SYT1: variants seen among roughly 807,000 people sequenced by gnomAD.
SYT1 encodes the protein synaptotagmin 1, also known as synaptotagmin-1.
A neutral mutation model predicts 44.8 loss-of-function variants in SYT1; 8 were observed. The observed-to-expected ratio is 0.18, with a 90% CI of 0.10 to 0.32. The LOEUF (loss-of-function observed/expected upper bound fraction) is 0.32. Among genes scored for constraint, SYT1 ranks in the 10% least tolerant of loss-of-function variants. The probability of loss-of-function intolerance (pLI) is 1.00; values close to 1 mark genes in which losing one functional copy is unlikely to be tolerated. For synonymous variants in SYT1, 154 were observed against 188.8 expected (o/e 0.82, Z 1.51); for missense variants, 286 against 509.3 (o/e 0.56, Z 4.22).
In SYT1 at chr12:78,946,290, A is replaced by G. The variant is rs1023920292; in HGVS notation, c.-216-31509A>G. 2.0e-5 allele frequency among the ~76,000 whole-genome samples: 3 copies of G among 152,214 alleles called. No individual in the cohort carries two copies. In the South Asian group the frequency reaches 6.2e-4, roughly 31 times the overall value. On this transcript the variant is annotated intron_variant, in intron 1 of 10. Coordinates refer to ENST00000261205, the MANE Select transcript of SYT1 (RefSeq NM_005639.3). ...CCAGGTGTCTTCTAACTGAAGATACAGCAGGAAACAAGAAAGACAAATGTC... is the reference window on the plus strand; with the variant it reads ...CCAGGTGTCTTCTAACTGAAGATACGGCAGGAAACAAGAAAGACAAATGTC...
chr12:79,112,816 C>G (rs1439316881), intron 3 of SYT1, among the ~76,000 whole-genome samples: 1 of 152,050 alleles, frequency 6.6e-6, no homozygotes, highest in African/African-American at 2.4e-5. Context: ...TTTCTTAGAA[C>G]TACATTCCCT....
intron 2 of SYT1, among the ~76,000 whole-genome samples, chr12:79,038,692 TACA>T: frequency 6.6e-6 from 1 of 151,890 alleles, no homozygotes; most frequent in African/African-American, 2.4e-5. Context: ...ATTAATATTT[TACA>T]GTTTTGAAAT....
chr12:79,015,991 A>G (rs1871782866), intron 2 of SYT1, among the ~76,000 whole-genome samples: 1 of 152,168 alleles, frequency 6.6e-6, no homozygotes. Flanking sequence ...TTCCTGGAAA[A>G]TAATTTATCA....
chr12:79,195,208 C>T (rs1873378789), intron 3 of SYT1, among the ~76,000 whole-genome samples: 1 of 152,160 alleles, frequency 6.6e-6, no homozygotes, highest in Admixed American at 6.5e-5. Context: ...GTAGTAGCAG[C>T]TTACCTACAT....
At chr12:79,021,327 G>A (rs1034987905) in intron 2 of SYT1, among the ~76,000 whole-genome samples, 3 of 151,766 alleles carry the variant, frequency 2.0e-5, no homozygotes, top group African/African-American at 7.3e-5. Flanking sequence ...AGTAAAATAG[G>A]AACCATTTCT....
intron 9 of SYT1, among the ~76,000 whole-genome samples, chr12:79,372,048 G>A (rs1351918086): frequency 6.6e-6 from 1 of 151,964 alleles, no homozygotes; most frequent in Non-Finnish European, 1.5e-5. Flanking sequence ...TAATCATCAG[G>A]GTTGCCAACA....
At chr12:78,967,246 C>A (rs1042397006) in intron 1 of SYT1, among the ~76,000 whole-genome samples, 1 of 152,052 alleles carries the variant, frequency 6.6e-6, no homozygotes, top group Non-Finnish European at 1.5e-5. Flanking sequence ...TGTATACAAT[C>A]AACTGTAGTA....
intron 1 of SYT1, among the ~76,000 whole-genome samples, chr12:78,909,742 T>C (rs1003461765): frequency 6.6e-6 from 1 of 152,106 alleles, no homozygotes; most frequent in Middle Eastern, 3.4e-3. Flanking sequence ...ATCACCAAAC[T>C]AGTACTTTAA....
At chr12:79,044,321 C>T (rs1321557342) in intron 2 of SYT1, among the ~76,000 whole-genome samples, 2 of 152,102 alleles carry the variant, frequency 1.3e-5, no homozygotes, top group African/African-American at 4.8e-5. Context: ...AAGCTTTGCT[C>T]ATTTCTTTTT....
intron 1 of SYT1, among the ~76,000 whole-genome samples, chr12:78,870,425 G>A (rs142828205): frequency 1.7e-3 from 254 of 152,018 alleles, no homozygotes; most frequent in African/African-American, 5.8e-3. Flanking sequence ...TTATCAAAGG[G>A]TATTATATAA....
intron 2 of SYT1, among the ~76,000 whole-genome samples, chr12:79,029,193 C>T (rs1872697989): frequency 1.3e-5 from 2 of 151,034 alleles, no homozygotes; most frequent in African/African-American, 4.8e-5. Flanking sequence ...ATCGGTAGTG[C>T]AGATTTGTTT....
At chr12:79,201,113 A>G (rs117396763) in intron 3 of SYT1, among the ~76,000 whole-genome samples, 30 of 152,214 alleles carry the variant, frequency 2.0e-4, no homozygotes, top group Non-Finnish European at 4.1e-4. Context: ...AAAGGCTTAT[A>G]GTAACGTTCC....
At chr12:78,884,616 T>C (rs116194124) in intron 1 of SYT1, among the ~76,000 whole-genome samples, 5,069 of 151,498 alleles carry the variant, frequency 0.033, 272 homozygotes, top group African/African-American at 0.11. Flanking sequence ...ATCATAATCT[T>C]AGAATATTTT....
intron 3 of SYT1, among the ~76,000 whole-genome samples, chr12:79,188,198 T>C (rs1872913636): frequency 6.6e-6 from 1 of 152,112 alleles, no homozygotes; most frequent in African/African-American, 2.4e-5. Flanking sequence ...TCATATAGCA[T>C]GTAATACAGT....
At chr12:78,901,577 T>C (rs1875666392) in intron 1 of SYT1, among the ~76,000 whole-genome samples, 1 of 152,174 alleles carries the variant, frequency 6.6e-6, no homozygotes, top group African/African-American at 2.4e-5. Context: ...CCATTATTAT[T>C]TGTGCAAAAA....
At chr12:79,133,622 T>G (rs534913692) in intron 3 of SYT1, among the ~76,000 whole-genome samples, 1 of 152,060 alleles carries the variant, frequency 6.6e-6, no homozygotes, top group East Asian at 1.9e-4. Context: ...AGACCTAAAC[T>G]TGGGAGAAAC....
intron 8 of SYT1, among the ~76,000 whole-genome samples, 200 bp downstream of exon 8, chr12:79,299,751 G>C (rs1012003657): frequency 2.6e-5 from 4 of 151,712 alleles, no homozygotes; most frequent in African/African-American, 7.3e-5. Flanking sequence ...AAAGAAGAGA[G>C]ACATTTGTGT....
chr12:79,399,831 T>C (rs1484957579), intron 9 of SYT1, among the ~76,000 whole-genome samples: 1 of 152,234 alleles, frequency 6.6e-6, no homozygotes, highest in Non-Finnish European at 1.5e-5. Context: ...CTTGCTGGTA[T>C]AGGGCCACAC....
At chr12:79,352,186 A>C (rs1028832600) in intron 8 of SYT1, among the ~76,000 whole-genome samples, 1,191 of 123,476 alleles carry the variant, frequency 9.6e-3, no homozygotes, top group Middle Eastern at 0.021. Flanking sequence ...TAATGAATAC[A>C]CCCCCCCCCC....
Sources: allele counts gnomAD v4.1 joint callset (sites outside exome capture counted in the v4.1 genomes callset), GRCh38; gene constraint gnomAD v4.1.1; transcripts MANE v1.5; gene names NCBI Gene and HGNC (gene_info 2026-07-23, HGNC 2026-07-21).